DLG2: variants seen among roughly 807,000 people sequenced by gnomAD.
DLG2 encodes the protein discs large MAGUK scaffold protein 2, also known as disks large homolog 2.
In DLG2, 45 loss-of-function variants were observed where a neutral mutation model predicts 132.5. The ratio of observed to expected loss-of-function variants is 0.34; its 90% confidence interval spans 0.27 to 0.44. DLG2 has a LOEUF of 0.44. Ranked by LOEUF, DLG2 falls within the 20% of genes least tolerant of loss-of-function variation. DLG2 has a pLI of 1.00. For synonymous variants in DLG2, 424 were observed against 419.6 expected (o/e 1.01, Z -0.13); for missense variants, 1,045 against 1,196.9 (o/e 0.87, Z 1.87).
At chr11:84,072,144 G>C (rs1400022657) in intron 10 of DLG2, among the ~76,000 whole-genome samples, 5 of 152,322 alleles carry the variant, frequency 3.3e-5, no homozygotes, top group South Asian at 2.1e-4. Flanking sequence ...TGATCACAGG[G>C]TTCTGTGGAA....
At chr11:85,001,570 C>T (rs188115645) in intron 6 of DLG2, among the ~76,000 whole-genome samples, 4 of 152,122 alleles carry the variant, frequency 2.6e-5, no homozygotes, top group Admixed American at 2.6e-4. Flanking sequence ...GATTCTTAAG[C>T]CTGATTGACA....
intron 8 of DLG2, among the ~76,000 whole-genome samples, chr11:84,194,458 G>A (rs1216269529): frequency 2.0e-5 from 3 of 152,162 alleles, no homozygotes. Context: ...GTGAGCAGCA[G>A]GAAGACTTAT....
intron 6 of DLG2, among the ~76,000 whole-genome samples, chr11:85,064,158 T>C (rs1205193385): frequency 6.6e-6 from 1 of 151,794 alleles, no homozygotes; most frequent in East Asian, 1.9e-4. Flanking sequence ...CAAGAAATAA[T>C]ACCAAATATT....
chr11:84,209,948 CCTAT>C (rs2096729519), intron 8 of DLG2, among the ~76,000 whole-genome samples: 2 of 152,130 alleles, frequency 1.3e-5, no homozygotes, highest in Non-Finnish European at 1.5e-5. Context: ...AAACATAACA[CCTAT>C]CTAAGGATCC....
intron 10 of DLG2, among the ~76,000 whole-genome samples, chr11:84,069,607 T>C (rs886984564): frequency 5.9e-5 from 9 of 152,210 alleles, no homozygotes; most frequent in African/African-American, 2.2e-4. Flanking sequence ...TTATGATCCA[T>C]AGAAGCCATC....
At chr11:83,955,110 A>G (rs1248450793) in intron 14 of DLG2, among the ~76,000 whole-genome samples, 4 of 152,230 alleles carry the variant, frequency 2.6e-5, no homozygotes, top group African/African-American at 9.6e-5. Flanking sequence ...AACAGCTAAC[A>G]ATTATCAGGT....
At chr11:83,856,757 T>G (rs1476040844) in intron 16 of DLG2, among the ~76,000 whole-genome samples, 1 of 152,226 alleles carries the variant, frequency 6.6e-6, no homozygotes, top group East Asian at 1.9e-4. Context: ...TGGAAATATT[T>G]TCTCCAATTC....
chr11:83,559,873 G>A (rs1264604235), intron 19 of DLG2, among the ~76,000 whole-genome samples: 6 of 152,184 alleles, frequency 3.9e-5, no homozygotes, highest in Admixed American at 2.6e-4. Context: ...TAAGGGTACT[G>A]GAAGGAACCT....
At chr11:85,345,359 C>G (rs1342894449) in intron 3 of DLG2, among the ~76,000 whole-genome samples, 1 of 152,016 alleles carries the variant, frequency 6.6e-6, no homozygotes, top group African/African-American at 2.4e-5. Context: ...AAAGAACAGG[C>G]AAGTACATAG....
At chr11:84,987,029 A>G (rs1224079696) in intron 6 of DLG2, among the ~76,000 whole-genome samples, 1 of 152,206 alleles carries the variant, frequency 6.6e-6, no homozygotes, top group Admixed American at 6.5e-5. Context: ...CCTCCTCCAG[A>G]AAGCTCCTAG....
At chr11:85,610,806 T>A (rs887038698) in intron 2 of DLG2, among the ~76,000 whole-genome samples, 8 of 152,238 alleles carry the variant, frequency 5.3e-5, no homozygotes, top group Non-Finnish European at 1.2e-4. Context: ...CAGCAAGGAA[T>A]GAATACAGCC....
At chr11:84,119,335 G>C (rs564428629) in intron 9 of DLG2, among the ~76,000 whole-genome samples, 22 of 152,100 alleles carry the variant, frequency 1.4e-4, no homozygotes, top group Non-Finnish European at 2.8e-4. Context: ...CTCATCCTAG[G>C]ATGAGTCCAA....
At chr11:85,053,254 T>C (rs1280656930) in intron 6 of DLG2, among the ~76,000 whole-genome samples, 1 of 152,146 alleles carries the variant, frequency 6.6e-6, no homozygotes, top group Admixed American at 6.5e-5. Flanking sequence ...TGAGGTGCCA[T>C]CTGCTTTAGG....
chr11:84,000,971 GCA>G (rs2094316032), intron 11 of DLG2, among the ~76,000 whole-genome samples: 2 of 151,746 alleles, frequency 1.3e-5, no homozygotes, highest in African/African-American at 2.4e-5. Flanking sequence ...AACTCAAATA[GCA>G]TCATGACAGA....
At chr11:85,226,032 C>A (rs1388085060) in intron 4 of DLG2, among the ~76,000 whole-genome samples, 2 of 152,016 alleles carry the variant, frequency 1.3e-5, no homozygotes, top group Non-Finnish European at 2.9e-5. Context: ...TCCTTATCTC[C>A]TTCCTTTAAT....
chr11:83,980,588 T>C lies in DLG2; in HGVS notation c.974A>G (p.Asn325Ser), dbSNP rs747887143. 1 of 1,613,770 alleles carries C rather than the reference T, an allele frequency of 6.2e-7. No homozygotes were observed. Among genetic ancestry groups the C allele is most frequent in the Non-Finnish European group, 8.5e-7 (1 of 1,179,810 alleles). Residue 325 changes from asparagine to serine, a missense_variant, in exon 12 of 28, where the codon AAC (asparagine) becomes AGC (serine). Coordinates refer to ENST00000376104, the MANE Select transcript of DLG2 (RefSeq NM_001142699.3). ...GVGNQHIPGD[N>S]SIYVTKIIDG... ...TATAATTTTAGTTACATAAATGCTGTTGTCTCCAGGAATGTGTTGGTTCCC... is the reference window on the plus strand; with the variant it reads ...TATAATTTTAGTTACATAAATGCTGCTGTCTCCAGGAATGTGTTGGTTCCC...
chr11:84,507,313 T>C (rs975678569), intron 7 of DLG2, among the ~76,000 whole-genome samples: 63 of 152,148 alleles, frequency 4.1e-4, no homozygotes, highest in Non-Finnish European at 1.5e-4. Context: ...TATAAATAAA[T>C]AATGTGTGAC....
chr11:85,589,387 A>G (rs1305957601), intron 3 of DLG2, among the ~76,000 whole-genome samples: 2 of 152,156 alleles, frequency 1.3e-5, no homozygotes. Flanking sequence ...GACCAAGATA[A>G]GTGTTCAGGT....
At chr11:84,028,521 C>T (rs913138029) in intron 11 of DLG2, among the ~76,000 whole-genome samples, 1 of 152,046 alleles carries the variant, frequency 6.6e-6, no homozygotes, top group African/African-American at 2.4e-5. Context: ...TATTTTTTCA[C>T]AACCTTCAGA....
Sources: allele counts gnomAD v4.1 joint callset (sites outside exome capture counted in the v4.1 genomes callset), GRCh38; gene constraint gnomAD v4.1.1; transcripts MANE v1.5; gene names NCBI Gene and HGNC (gene_info 2026-07-23, HGNC 2026-07-21).